NOX4: variants seen among roughly 807,000 people sequenced by gnomAD.
NOX4 encodes the protein kidney oxidase-1.
NOX4 carries 69 observed loss-of-function variants against 87.6 expected under a neutral mutation model. The ratio of observed to expected loss-of-function variants is 0.79; its 90% CI spans 0.65 to 0.96. The LOEUF (loss-of-function observed/expected upper bound fraction) is 0.96. Ranked by LOEUF, NOX4 falls within the 40% of genes least tolerant of loss-of-function variation. The probability of loss-of-function intolerance (pLI) is 0.00; values close to 1 mark genes in which losing one functional copy is unlikely to be tolerated. For missense variants in NOX4, 680 were observed against 681.5 expected, an observed-to-expected ratio of 1.00 and a Z score of 0.02; for synonymous variants, 275 against 238.2, an observed-to-expected ratio of 1.15 and a Z score of -1.42.
At chr11:89,561,050 CATATATATATAT>C in the NOX4 span, among the ~76,000 whole-genome samples, 165 of 28,552 alleles carry the variant, frequency 5.8e-3, 7 homozygotes, top group East Asian at 0.033. Context: ...ATATATCATA[CATATATATATAT>C]ATATATATAT....
At chr11:89,457,593 T>G (rs1945262428) in intron 2 of NOX4, among the ~76,000 whole-genome samples, 1 of 151,870 alleles carries the variant, frequency 6.6e-6, no homozygotes, top group South Asian at 2.1e-4. Context: ...AGTCCAGGAG[T>G]GCTAAGCTGA....
chr11:89,542,299 T>A, the NOX4 span, among the ~76,000 whole-genome samples: 1,839 of 152,352 alleles, frequency 0.012, 26 homozygotes, highest in African/African-American at 0.034. Flanking sequence ...ATTATATCTA[T>A]TATATGTCTT....
At chr11:89,444,297 T>G (rs937084459) in intron 4 of NOX4, 65 bp from the exon 5 acceptor site, 14 of 1,331,612 alleles carry the variant, frequency 1.1e-5, no homozygotes, top group Non-Finnish European at 1.5e-5. Flanking sequence ...AAGGACTCAG[T>G]TCTTCCTCTC....
chr11:89,465,023 C>T (rs1945614817), intron 2 of NOX4, among the ~76,000 whole-genome samples: 1 of 152,038 alleles, frequency 6.6e-6, no homozygotes, highest in Non-Finnish European at 1.5e-5. Context: ...AAGTTCTGGG[C>T]TACATGTGCA....
At chr11:89,588,399 A>G in the NOX4 span, among the ~76,000 whole-genome samples, 1 of 152,336 alleles carries the variant, frequency 6.6e-6, no homozygotes, top group South Asian at 2.1e-4. Flanking sequence ...GAAATCATGC[A>G]CTTTAGACTG....
chr11:89,410,958 A>G (rs1942447953), intron 8 of NOX4, among the ~76,000 whole-genome samples: 1 of 152,034 alleles, frequency 6.6e-6, no homozygotes, highest in African/African-American at 2.4e-5. Context: ...GTTCTGGGAG[A>G]GACCTCTTCC....
At chr11:89,365,543 C>A (rs1938897200) in intron 12 of NOX4, among the ~76,000 whole-genome samples, 1 of 151,472 alleles carries the variant, frequency 6.6e-6, no homozygotes, top group Non-Finnish European at 1.5e-5. Context: ...TTCTACAATC[C>A]ACCTTTTAAG....
intron 6 of NOX4, among the ~76,000 whole-genome samples, chr11:89,439,329 A>G (rs1258194212): frequency 6.6e-6 from 1 of 151,944 alleles, no homozygotes; most frequent in Non-Finnish European, 1.5e-5. Context: ...CCTAAATGAA[A>G]ACATGTTTTC....
chr11:89,526,548 T>TGTTGAGG, the NOX4 span, among the ~76,000 whole-genome samples: 1 of 152,082 alleles, frequency 6.6e-6, no homozygotes, highest in South Asian at 2.1e-4. Flanking sequence ...AATCCCCACG[T>TGTTGAGG]GTTGAGGGAG....
chr11:89,531,865 C>A, the NOX4 span, among the ~76,000 whole-genome samples: 2 of 152,198 alleles, frequency 1.3e-5, no homozygotes, highest in African/African-American at 4.8e-5. Context: ...GACAGGATGC[C>A]CTGTGGCCCA....
intron 2 of NOX4, among the ~76,000 whole-genome samples, chr11:89,485,928 C>T (rs569735292): frequency 5.9e-5 from 9 of 152,138 alleles, no homozygotes; most frequent in African/African-American, 1.7e-4. Context: ...AGCACATTAA[C>T]TCAGGCATAA....
chr11:89,491,117 G>T, intron 1 of NOX4, 73 bp downstream of exon 1: 3 of 1,424,440 alleles, frequency 2.1e-6, no homozygotes, highest in Middle Eastern at 3.6e-4. Flanking sequence ...TCCCACCCGT[G>T]CACGCTCAGA....
At chr11:89,352,119 G>T (rs1424532073) in intron 13 of NOX4, among the ~76,000 whole-genome samples, 1 of 152,134 alleles carries the variant, frequency 6.6e-6, no homozygotes, top group Admixed American at 6.6e-5. Flanking sequence ...TTGCAGGGGG[G>T]CTAGGAAGTG....
chr11:89,333,951 C>G (rs1945589814), intron 17 of NOX4, among the ~76,000 whole-genome samples: 1 of 151,602 alleles, frequency 6.6e-6, no homozygotes, highest in South Asian at 2.1e-4. Context: ...AGAAAAAGAA[C>G]AAACTACCAA....
chr11:89,380,378 A>ACATGGTCAGAAAG (rs1437937944), intron 11 of NOX4, among the ~76,000 whole-genome samples: 7 of 152,270 alleles, frequency 4.6e-5, no homozygotes, highest in African/African-American at 1.7e-4. Flanking sequence ...CTGAACAATA[A>ACATGGTCAGAAAG]CATGGTCACT....
chr11:89,390,749 T>A (rs117386872), intron 11 of NOX4, among the ~76,000 whole-genome samples: 2,653 of 152,224 alleles, frequency 0.017, 76 homozygotes, highest in East Asian at 0.13. Context: ...AGACCAGATA[T>A]AATCCACAAA....
At chr11:89,480,886 G>A (rs1455130228) in intron 2 of NOX4, among the ~76,000 whole-genome samples, 1 of 151,984 alleles carries the variant, frequency 6.6e-6, no homozygotes, top group Non-Finnish European at 1.5e-5. Flanking sequence ...TTAATAAAAA[G>A]TATTAAGTAA....
intron 8 of NOX4, among the ~76,000 whole-genome samples, chr11:89,417,223 G>C (rs1164919586): frequency 6.6e-6 from 1 of 152,124 alleles, no homozygotes; most frequent in Non-Finnish European, 1.5e-5. Flanking sequence ...AGCAGAGACT[G>C]TGACATTCGT....
chr11:89,537,632 T>A, the NOX4 span, among the ~76,000 whole-genome samples: 8 of 152,140 alleles, frequency 5.3e-5, no homozygotes, highest in South Asian at 1.0e-3. Context: ...GAGGCTAAAC[T>A]GCTTATTTTT....
Sources: allele counts gnomAD v4.1 joint callset (sites outside exome capture counted in the v4.1 genomes callset), GRCh38; gene constraint gnomAD v4.1.1; transcripts MANE v1.5; gene names NCBI Gene and HGNC (gene_info 2026-07-23, HGNC 2026-07-21).